DLC1: variants seen among roughly 807,000 people sequenced by gnomAD.
DLC1 encodes the protein DLC1 Rho GTPase activating protein, also known as rho GTPase-activating protein 7.
A neutral mutation model predicts 140.3 loss-of-function variants in DLC1; 54 were observed. The ratio of observed to expected loss-of-function variants is 0.38; its 90% CI spans 0.31 to 0.48. DLC1 has a LOEUF of 0.48. Ranked by LOEUF, DLC1 falls within the 20% of genes least tolerant of loss-of-function variation. The pLI is 0.96. For missense variants in DLC1, 2,536 were observed against 1,907.0 expected (o/e 1.33, Z -6.14); for synonymous variants, 986 against 728.1 (o/e 1.35, Z -5.70).
chr8:13,125,003 G>T (rs761099291), intron 5 of DLC1, among the ~76,000 whole-genome samples: 10 of 151,126 alleles, frequency 6.6e-5, no homozygotes, highest in Non-Finnish European at 1.3e-4. Context: ...TTGAGACAGA[G>T]TCTCACTGTG....
At chr8:13,520,294 T>C (rs1802723476) in intron 1 of DLC1, among the ~76,000 whole-genome samples, 2 of 152,234 alleles carry the variant, frequency 1.3e-5, no homozygotes, top group African/African-American at 4.8e-5. Flanking sequence ...TATGCAGCCA[T>C]AAAAGAGGAA....
intron 2 of DLC1, among the ~76,000 whole-genome samples, chr8:13,481,939 A>G (rs1035877665): frequency 3.5e-4 from 53 of 152,188 alleles, no homozygotes; most frequent in Non-Finnish European, 8.8e-5. Flanking sequence ...TAATATACCT[A>G]CAAGTCTTCA....
chr8:13,161,024 T>C (rs1824650440), intron 5 of DLC1, among the ~76,000 whole-genome samples: 1 of 152,184 alleles, frequency 6.6e-6, no homozygotes, highest in Admixed American at 6.5e-5. Context: ...GAGCTTGCAG[T>C]GAGCCGAGAT....
At chr8:13,561,159 G>C (rs1384560357) in intron 1 of DLC1, among the ~76,000 whole-genome samples, 14 of 145,766 alleles carry the variant, frequency 9.6e-5, no homozygotes, top group Admixed American at 6.9e-4. Flanking sequence ...TGCTCTGTCT[G>C]TCAACCAGGC....
intron 2 of DLC1, among the ~76,000 whole-genome samples, chr8:13,431,563 CCT>C (rs1838874412): frequency 6.8e-6 from 1 of 147,794 alleles, no homozygotes; most frequent in Admixed American, 6.8e-5. Context: ...CTTGTCTCTA[CCT>C]GTCTTTGTGA....
At chr8:13,263,484 G>C (rs971176539) in intron 5 of DLC1, among the ~76,000 whole-genome samples, 4 of 151,778 alleles carry the variant, frequency 2.6e-5, no homozygotes. Context: ...TTACTTACTT[G>C]TGTTTCATTT....
intron 5 of DLC1, among the ~76,000 whole-genome samples, chr8:13,275,394 A>G (rs1444442508): frequency 1.3e-5 from 2 of 152,210 alleles, no homozygotes; most frequent in Admixed American, 6.5e-5. Context: ...CCTTCAGTAT[A>G]CGGAAAACAA....
intron 1 of DLC1, among the ~76,000 whole-genome samples, chr8:13,523,594 A>G (rs1802824843): frequency 6.6e-6 from 1 of 152,174 alleles, no homozygotes; most frequent in Non-Finnish European, 1.5e-5. Context: ...GAGATTGACG[A>G]GAGGGTGTGT....
intron 1 of DLC1, among the ~76,000 whole-genome samples, chr8:13,553,236 A>G (rs1324800144): frequency 7.5e-6 from 1 of 133,592 alleles, no homozygotes; most frequent in African/African-American, 2.7e-5. Context: ...ATGTATATAT[A>G]TATATATATA....
intron 2 of DLC1, among the ~76,000 whole-genome samples, chr8:13,411,831 C>G (rs538622583): frequency 6.6e-6 from 1 of 151,952 alleles, no homozygotes; most frequent in South Asian, 2.1e-4. Flanking sequence ...TAAAAATGAC[C>G]AATATTTTGC....
intron 4 of DLC1, among the ~76,000 whole-genome samples, chr8:13,376,677 A>G (rs1836006407): frequency 6.6e-6 from 1 of 152,208 alleles, no homozygotes; most frequent in Non-Finnish European, 1.5e-5. Context: ...AATTATCAGT[A>G]TAGTTTGTGT....
chr8:13,271,054 A>G (rs1003696029), intron 5 of DLC1, among the ~76,000 whole-genome samples: 7 of 152,166 alleles, frequency 4.6e-5, no homozygotes, highest in Middle Eastern at 3.2e-3. Flanking sequence ...CTAAGCCACT[A>G]TATAATATAT....
chr8:13,568,372 A>T (rs1302238279), intron 1 of DLC1: 1 of 177,074 alleles, frequency 5.6e-6, no homozygotes, highest in East Asian at 1.8e-4. Context: ...TGTTTGATGG[A>T]ACTGTTGAAG....
chr8:13,274,695 A>G (rs1409347795), intron 5 of DLC1, among the ~76,000 whole-genome samples: 2 of 152,218 alleles, frequency 1.3e-5, no homozygotes, highest in East Asian at 1.9e-4. Context: ...GTCAAAGGCT[A>G]TGTATGAAAA....
intron 1 of DLC1, among the ~76,000 whole-genome samples, chr8:13,586,625 A>ACACC (rs71541615): frequency 2.2e-5 from 3 of 135,896 alleles, no homozygotes; most frequent in Non-Finnish European, 4.6e-5. Flanking sequence ...ACACACACAC[A>ACACC]CCTGCATGTA....
At chr8:13,203,117 T>A (rs1827486125) in intron 5 of DLC1, among the ~76,000 whole-genome samples, 1 of 152,220 alleles carries the variant, frequency 6.6e-6, no homozygotes, top group Admixed American at 6.5e-5. Context: ...ACACTTTACC[T>A]ATCTTTGTCT....
chr8:13,170,789 C>T (rs1286217744), intron 5 of DLC1, among the ~76,000 whole-genome samples: 1 of 147,146 alleles, frequency 6.8e-6, no homozygotes, highest in Admixed American at 6.7e-5. Flanking sequence ...TGTGAGCTAA[C>T]ATTATTTTCC....
intron 7 of DLC1, 121 bp downstream of exon 7, chr8:13,110,621 G>C (rs775949721): frequency 2.2e-6 from 2 of 891,996 alleles, no homozygotes; most frequent in Non-Finnish European, 1.8e-6. Context: ...ATCACTCTAT[G>C]GTTTGCCAAT....
chr8:13,410,728 G>A (rs371293758), intron 2 of DLC1, among the ~76,000 whole-genome samples: 393 of 152,170 alleles, frequency 2.6e-3, no homozygotes, highest in African/African-American at 9.2e-3. Flanking sequence ...CTCTGGAGAG[G>A]AAAGTTCCAA....
Sources: allele counts gnomAD v4.1 joint callset (sites outside exome capture counted in the v4.1 genomes callset), GRCh38; gene constraint gnomAD v4.1.1; transcripts MANE v1.5; gene names NCBI Gene and HGNC (gene_info 2026-07-23, HGNC 2026-07-21).